CACNA1I: variants seen among roughly 807,000 people sequenced by gnomAD.
CACNA1I encodes the protein voltage-dependent T-type calcium channel subunit alpha-1I.
Under a neutral mutation model 201.6 loss-of-function variants are expected in CACNA1I, and 74 were observed. The ratio of observed to expected loss-of-function variants is 0.37; its 90% CI spans 0.30 to 0.45. The LOEUF (loss-of-function observed/expected upper bound fraction) is 0.45. Among genes scored for constraint, CACNA1I ranks in the 20% least tolerant of loss-of-function variants. CACNA1I has a pLI of 1.00. For missense variants in CACNA1I, 2,346 were observed against 3,138.1 expected, an observed-to-expected ratio of 0.75 and a Z score of 6.03; for synonymous variants, 1,431 against 1,345.2, an observed-to-expected ratio of 1.06 and a Z score of -1.40.
Position 39,642,832 on chromosome 22 carries a change from C to G in CACNA1I, c.1092C>G (p.Tyr364Ter). 1 of 1,611,740 alleles carries G rather than the reference C, an allele frequency of 6.2e-7. No homozygotes were observed. The highest frequency in any genetic ancestry group is 8.5e-7 in the Non-Finnish European group (1 of 1,178,790). Reference sequence around the variant, plus strand: ...TGGAAGGCTGGGTGGAGATCATGTACTACGTGATGGATGCTCACTCCTTCT... The same window carrying G: ...TGGAAGGCTGGGTGGAGATCATGTAGTACGTGATGGATGCTCACTCCTTCT... ...ITLEGWVEIM[Y>*]YVMDAHSFYN... The change falls in exon 7 of 37, where the codon TAC (tyrosine) becomes TAG (stop). Residue 364 changes from tyrosine (Y) to a stop codon, truncating the protein, a stop_gained. Transcript: ENST00000402142. LOFTEE classifies it high-confidence loss of function.
Position 39,629,787 on chromosome 22 carries a change from C to T in CACNA1I, c.581-4778C>T, listed in dbSNP as rs558381803. On this transcript the variant is annotated intron_variant, in intron 4 of 36. Transcript: ENST00000402142. This position sits in a 1 kb window ranked among gnomAD's most constrained non-coding sequence, Gnocchi z 4.8. ...GACCCCCTTTCAGAGATGTGTATGC[C>T]GTTCGGGGCGCTGTCCACAGGGGCG... is the stretch of plus-strand genomic sequence containing the variant. Among the ~76,000 whole-genome samples, 24 of 152,240 alleles carry T rather than the reference C, an allele frequency of 1.6e-4. No individual in the cohort carries two copies. Among genetic ancestry groups the T allele is most frequent in the African/African-American group, 5.1e-4 (21 of 41,546 alleles).
At chr22:39,627,503 C>T (rs1055318612) in intron 4 of CACNA1I, among the ~76,000 whole-genome samples, 92 of 152,338 alleles carry the variant, frequency 6.0e-4, no homozygotes, top group African/African-American at 1.9e-3. Flanking sequence ...CCAACCCTCA[C>T]GCCCCAGGCC....
At chr22:39,630,865 G>A (rs1316400935) in intron 4 of CACNA1I, among the ~76,000 whole-genome samples, 1 of 152,224 alleles carries the variant, frequency 6.6e-6, no homozygotes, top group Non-Finnish European at 1.5e-5. Flanking sequence ...GGATCCTATG[G>A]CAGGGTGGAG....
chr22:39,679,635 G>A lies in CACNA1I; in HGVS notation c.5395-87G>A, dbSNP rs1185550344. 5 of 1,330,184 alleles carry A rather than the reference G, an allele frequency of 3.8e-6. No homozygotes were observed. In the African/African-American group the frequency reaches 4.4e-5, roughly 12 times the overall value. The allele number at this position is 1,330,184 out of a possible 1,614,324, so 82.4% of individuals were successfully genotyped here. ...AGGCCATGGGCGCAGAGAACCAACC[G>A]GGAGGGCAGCTGTGTCCTGCCCACC... On this transcript the variant is annotated intron_variant, in intron 32 of 36. Coordinates refer to ENST00000402142, the MANE Select transcript of CACNA1I (RefSeq NM_021096.4).
chr22:39,591,316 C>T (rs1373662354), intron 1 of CACNA1I, among the ~76,000 whole-genome samples: 3 of 151,812 alleles, frequency 2.0e-5, no homozygotes, highest in Non-Finnish European at 2.9e-5. Flanking sequence ...TGCCCGCCAC[C>T]ACGCCCAGTT....
intron 1 of CACNA1I, 93 bp downstream of exon 1, chr22:39,571,081 G>C: frequency 8.7e-7 from 1 of 1,147,920 alleles, no homozygotes; most frequent in Non-Finnish European, 1.3e-6. Context: ...TGCTCCGGCT[G>C]GGAGACCTGA....
rs528947772 is a variant in CACNA1I, at chr22:39,648,527, G to A, written c.1567+601G>A. Among the ~76,000 whole-genome samples, 3 of 152,124 alleles carry A rather than the reference G, an allele frequency of 2.0e-5. No individual in the cohort carries two copies. The highest frequency in any genetic ancestry group is 1.3e-4 in the Admixed American group (2 of 15,282). Reference sequence around the variant, plus strand: ...GGGAAGGGCTTTGGGCCTGTCCTCCGGGGTGAGATGGGACTGACCCCTGGG... The same window carrying A: ...GGGAAGGGCTTTGGGCCTGTCCTCCAGGGTGAGATGGGACTGACCCCTGGG... On this transcript the variant is annotated intron_variant, in intron 9 of 36. Transcript: ENST00000402142. The surrounding 1 kb of genome is among the most constrained non-coding windows in gnomAD (Gnocchi z 5.4).
chr22:39,586,337 C>G (rs747617508), intron 1 of CACNA1I, among the ~76,000 whole-genome samples: 2 of 151,902 alleles, frequency 1.3e-5, no homozygotes, highest in Non-Finnish European at 2.9e-5. Flanking sequence ...ACTAAAAATA[C>G]AAAAATTAGC....
intron 4 of CACNA1I, among the ~76,000 whole-genome samples, chr22:39,622,980 A>G (rs1478085326): frequency 6.6e-6 from 1 of 152,186 alleles, no homozygotes; most frequent in Non-Finnish European, 1.5e-5. Context: ...TGCACGTTGC[A>G]GAGGGTCGCA....
chr22:39,579,703 A>G (rs867497457), intron 1 of CACNA1I, among the ~76,000 whole-genome samples: 45 of 149,596 alleles, frequency 3.0e-4, no homozygotes, highest in Non-Finnish European at 4.1e-4. Flanking sequence ...CTGGAGTGCC[A>G]TGGCGCGATC....
At chr22:39,660,096 C>T (rs1424375170) in intron 14 of CACNA1I, among the ~76,000 whole-genome samples, 1 of 152,132 alleles carries the variant, frequency 6.6e-6, no homozygotes, top group African/African-American at 2.4e-5. Context: ...CTCTGAGATT[C>T]GAAATCCCCC....
At position 39,685,805 on chromosome 22, in the gene CACNA1I, C is replaced by T. The variant is rs1390229116; in HGVS notation, c.6072C>T (p.Ser2024=). 2 of 1,495,852 alleles carry T rather than the reference C, an allele frequency of 1.3e-6. No homozygotes were observed. The highest frequency in any genetic ancestry group is 2.5e-5 in the South Asian group (2 of 80,726). 92.7% of individuals were successfully genotyped at this position (1,495,852 alleles called of 1,614,324 possible). The change falls in exon 37 of 37, where the codon TCC becomes TCT. Residue 2024 remains serine (S), a synonymous_variant. Coordinates refer to ENST00000402142, the MANE Select transcript of CACNA1I (RefSeq NM_021096.4). This position sits in a 1 kb window ranked among gnomAD's most constrained non-coding sequence, Gnocchi z 5.0. The stretch of plus-strand genomic sequence containing the variant: ...CGCTGGACGCCAGCCCCAGCAGCTC[C>T]GCGGGCAGCCTGCAGACCACGCTCG... ...DTSLDASPSS[S]AGSLQTTLED...
chr22:39,645,527 A>G (rs6001641), intron 7 of CACNA1I, among the ~76,000 whole-genome samples: 23,556 of 152,168 alleles, frequency 0.15, 1,953 homozygotes, highest in African/African-American at 0.2. Context: ...GCTTGTGGAC[A>G]AGGTGACTGA....
At chr22:39,580,411 C>G (rs1265927121) in intron 1 of CACNA1I, among the ~76,000 whole-genome samples, 1 of 152,204 alleles carries the variant, frequency 6.6e-6, no homozygotes, top group Non-Finnish European at 1.5e-5. Flanking sequence ...ATTGGAGGAG[C>G]CTGACCCCCA....
intron 2 of CACNA1I, among the ~76,000 whole-genome samples, chr22:39,600,184 G>T (rs563245792): frequency 1.3e-5 from 2 of 152,310 alleles, no homozygotes; most frequent in African/African-American, 4.8e-5. Flanking sequence ...TGTGTAGCCA[G>T]TGCTTGGTAA....
intron 3 of CACNA1I, among the ~76,000 whole-genome samples, chr22:39,604,116 C>A (rs1435281047): frequency 6.6e-6 from 1 of 152,130 alleles, no homozygotes; most frequent in African/African-American, 2.4e-5. Flanking sequence ...GTAATTTTTC[C>A]TAACTCTTGT....
chr22:39,636,508 C>T (rs550034950), intron 5 of CACNA1I, among the ~76,000 whole-genome samples: 7 of 152,182 alleles, frequency 4.6e-5, no homozygotes, highest in Non-Finnish European at 7.4e-5. Context: ...GGGGGATGGT[C>T]GGTGTTGCGT....
intron 8 of CACNA1I, among the ~76,000 whole-genome samples, chr22:39,647,579 T>G (rs777061578): frequency 4.2e-4 from 64 of 152,284 alleles, no homozygotes; most frequent in Middle Eastern, 6.8e-3. Flanking sequence ...GCCCGGCTAA[T>G]TTTTTAATTT....
rs938441968 is a variant in CACNA1I at position 39,686,269 on chromosome 22, C to T, written c.6536C>T (p.Ser2179Leu). The T allele has an allele frequency of 2.1e-5, 27 of 1,300,032 alleles. No individual in the cohort carries two copies. Among genetic ancestry groups the T allele is most frequent in the African/African-American group, 4.7e-5 (3 of 64,112 alleles). 80.5% of individuals were successfully genotyped at this position (1,300,032 alleles called of 1,614,324 possible). The part of the protein sequence containing the change: ...ALAHGLARSP[S>L]WAADRSKDPP... ...GCCCACGGCCTGGCCCGGAGCCCCTCGTGGGCCGCGGACCGCAGCAAGGAC... is the reference window on the plus strand; with the variant it reads ...GCCCACGGCCTGGCCCGGAGCCCCTTGTGGGCCGCGGACCGCAGCAAGGAC... Residue 2179 changes from serine (S) to leucine (L), a missense_variant, in exon 37 of 37, where the codon TCG (serine) becomes TTG (leucine). Coordinates refer to ENST00000402142, the MANE Select transcript of CACNA1I (RefSeq NM_021096.4).
Sources: allele counts gnomAD v4.1 joint callset (sites outside exome capture counted in the v4.1 genomes callset), GRCh38; gene constraint gnomAD v4.1.1; non-coding constraint Gnocchi (gnomAD v3.1); transcripts MANE v1.5; gene names NCBI Gene and HGNC (gene_info 2026-07-23, HGNC 2026-07-21).